The following HIVEP3 variants were observed in gnomAD, a reference collection of about 807,000 sequenced individuals.
HIVEP3 encodes the protein transcription factor HIVEP3.
Under a neutral mutation model 152.8 loss-of-function variants are expected in HIVEP3, and 49 were observed. The ratio of observed to expected loss-of-function variants is 0.32; its 90% CI spans 0.26 to 0.41. HIVEP3 has a LOEUF of 0.41. Ranked by LOEUF, HIVEP3 falls within the 10% of genes least tolerant of loss-of-function variation. The pLI is 1.00. For synonymous variants in HIVEP3, 1,269 were observed against 1,289.0 expected, an observed-to-expected ratio of 0.98 and a Z score of 0.33; for missense variants, 2,790 against 3,103.3, an observed-to-expected ratio of 0.90 and a Z score of 2.40.
intron 1 of HIVEP3, among the ~76,000 whole-genome samples, chr1:41,936,904 C>A (rs1231115247): frequency 4.6e-5 from 7 of 152,162 alleles, no homozygotes. Context: ...CTAGGAAAAC[C>A]ATTTGGTCAC....
At chr1:41,577,008 C>T (rs1472221571) in intron 4 of HIVEP3, among the ~76,000 whole-genome samples, 2 of 152,140 alleles carry the variant, frequency 1.3e-5, no homozygotes, top group South Asian at 2.1e-4. Flanking sequence ...CACTGCACCC[C>T]GGCCTGAGAT....
chr1:41,901,650 A>T (rs1644625606), intron 1 of HIVEP3, among the ~76,000 whole-genome samples: 1 of 152,186 alleles, frequency 6.6e-6, no homozygotes, highest in South Asian at 2.1e-4. Context: ...AGACAAAGTT[A>T]GGACAATGTC....
At chr1:41,529,795 T>C (rs2810552) in intron 5 of HIVEP3, among the ~76,000 whole-genome samples, 133,843 of 134,910 alleles carry the variant, frequency 0.99, 66,400 homozygotes, top group East Asian at 1. Context: ...CACTCATACA[T>C]ACACATAACC....
intron 1 of HIVEP3, among the ~76,000 whole-genome samples, chr1:41,901,562 C>T (rs1644624256): frequency 6.6e-6 from 1 of 152,160 alleles, no homozygotes; most frequent in African/African-American, 2.4e-5. Context: ...CCAGGAGAGG[C>T]TGGTGCCTCA....
chr1:41,961,818 T>C (rs1220515826), intron 1 of HIVEP3, among the ~76,000 whole-genome samples: 1 of 152,290 alleles, frequency 6.6e-6, no homozygotes, highest in Non-Finnish European at 1.5e-5. Flanking sequence ...AATAACATTG[T>C]CCAATAGCAT....
chr1:41,739,150 C>T (rs1008923606), intron 1 of HIVEP3, among the ~76,000 whole-genome samples: 4 of 152,240 alleles, frequency 2.6e-5, no homozygotes, highest in African/African-American at 7.2e-5. Flanking sequence ...CCAAGGAGCC[C>T]GCGCCGCCTC....
intron 1 of HIVEP3, among the ~76,000 whole-genome samples, chr1:41,834,789 AAAT>A (rs1643074188): frequency 6.6e-6 from 1 of 152,180 alleles, no homozygotes; most frequent in Non-Finnish European, 1.5e-5. Context: ...TGCTCTGAAA[AAAT>A]AATAAAGAAA....
chr1:42,022,439 T>C (rs1334277360), intron 1 of HIVEP3, among the ~76,000 whole-genome samples: 1 of 152,194 alleles, frequency 6.6e-6, no homozygotes, highest in Non-Finnish European at 1.5e-5. Flanking sequence ...ATTTCCCAAT[T>C]ACCACATCTG....
intron 3 of HIVEP3, among the ~76,000 whole-genome samples, chr1:41,587,401 C>T (rs1230806720): frequency 6.6e-6 from 1 of 152,214 alleles, no homozygotes; most frequent in Non-Finnish European, 1.5e-5. Context: ...GATTACATCT[C>T]AGTCAACAGG....
chr1:41,579,210 GA>G (rs1477771394), intron 4 of HIVEP3, among the ~76,000 whole-genome samples: 1 of 152,210 alleles, frequency 6.6e-6, no homozygotes, highest in African/African-American at 2.4e-5. Flanking sequence ...AGAAAAGGAA[GA>G]AGGAATATTT....
intron 1 of HIVEP3, among the ~76,000 whole-genome samples, chr1:41,759,450 C>A (rs1279180822): frequency 6.6e-6 from 1 of 152,024 alleles, no homozygotes; most frequent in Non-Finnish European, 1.5e-5. Flanking sequence ...TTATTTCCAC[C>A]TTTTGGCTAT....
rs1307071975 is a variant in HIVEP3, at chr1:42,020,654, T to G, written n.119+15153A>C. On this transcript the variant is annotated intron_variant and non_coding_transcript_variant, in intron 1 of 3. Transcript: ENST00000489103. Reference sequence around the variant, plus strand: ...TCATTTAATAAGTCATTCAAAAATATGTATTGGCTCAAACTATACACCAGG... The same window carrying G: ...TCATTTAATAAGTCATTCAAAAATAGGTATTGGCTCAAACTATACACCAGG... Among the ~76,000 whole-genome samples the G allele has an allele frequency of 6.6e-5, 10 of 152,314 alleles. No individual in the cohort carries two copies. The South Asian group carries it at 2.1e-3, about 32-fold the overall frequency.
intron 1 of HIVEP3, among the ~76,000 whole-genome samples, chr1:41,893,138 A>C (rs577981638): frequency 2.9e-4 from 44 of 151,906 alleles, no homozygotes; most frequent in Middle Eastern, 3.4e-3. Context: ...AAAAAAAAAA[A>C]AAAACAGAAA....
chr1:41,933,780 G>A (rs1270217053), intron 1 of HIVEP3, among the ~76,000 whole-genome samples: 1 of 151,832 alleles, frequency 6.6e-6, no homozygotes, highest in Non-Finnish European at 1.5e-5. Flanking sequence ...TGGTTTGGGG[G>A]TGTGTGGAGG....
intron 2 of HIVEP3, among the ~76,000 whole-genome samples, chr1:41,647,766 C>T (rs1047359168): frequency 1.3e-5 from 2 of 152,260 alleles, no homozygotes; most frequent in African/African-American, 4.8e-5. Flanking sequence ...CAAGTCCCTA[C>T]AAAGTCCCAA....
At position 41,583,198 on chromosome 1, in the gene HIVEP3, G is replaced by A. The variant is rs150413814; in HGVS notation, c.1600C>T (p.Pro534Ser). Reference sequence around the variant, plus strand: ...GAGTGGCTTCTCAGGAGAGGCACAGGGGGGGCGGTACTGGGCGGGTGCTGG... The same window carrying A: ...GAGTGGCTTCTCAGGAGAGGCACAGAGGGGGCGGTACTGGGCGGGTGCTGG... ...SLQHPPSTAP[P>S]VPLLRSHSMP... Residue 534 changes from proline (P) to serine (S), a missense_variant, in exon 4 of 9, where the codon CCT becomes TCT. This residue lies in a region of HIVEP3 where 339 missense variants were observed against 327.0 expected (regional missense o/e 1.04). Coordinates refer to ENST00000372583, the MANE Select transcript of HIVEP3 (RefSeq NM_024503.5). The surrounding 1 kb of genome is among the most constrained non-coding windows in gnomAD (Gnocchi z 6.9). 59 of 1,611,274 alleles carry A rather than the reference G, an allele frequency of 3.7e-5. No individual in the cohort carries two copies. In the African/African-American group the frequency reaches 4.1e-4, roughly 11 times the overall value.
At chr1:41,817,424 G>T (rs144615195) in intron 1 of HIVEP3, among the ~76,000 whole-genome samples, 76 of 152,248 alleles carry the variant, frequency 5.0e-4, no homozygotes, top group African/African-American at 1.7e-3. Context: ...GGCAGAAAAC[G>T]GGGTGGAAGT....
Position 41,673,705 on chromosome 1 carries a change from C to T in HIVEP3, c.-721+27211G>A, listed in dbSNP as rs574676606. 8.5e-5 allele frequency among the ~76,000 whole-genome samples: 13 copies of T among 152,258 alleles called. No homozygotes were observed. In the East Asian group the frequency reaches 2.5e-3, roughly 29 times the overall value. On this transcript the variant is annotated intron_variant, in intron 2 of 8. Transcript: ENST00000372583. ...TCTGGCAGGGTATTTTTGAGGACTC[C>T]CTAAGTATGAATAAATCAAGTTTGG...
intron 1 of HIVEP3, among the ~76,000 whole-genome samples, chr1:41,724,159 C>G (rs1646718382): frequency 6.6e-6 from 1 of 152,194 alleles, no homozygotes. Flanking sequence ...CTGACATCCC[C>G]TTCCACCACT....
Sources: allele counts gnomAD v4.1 joint callset (sites outside exome capture counted in the v4.1 genomes callset), GRCh38; gene constraint gnomAD v4.1.1; regional missense constraint gnomAD v4.1.1; non-coding constraint Gnocchi (gnomAD v3.1); transcripts MANE v1.5; gene names NCBI Gene and HGNC (gene_info 2026-07-23, HGNC 2026-07-21).